The following TMEM273 variants were observed in gnomAD, a reference collection of about 807,000 sequenced individuals.
TMEM273 encodes the protein transmembrane protein 273, also known as chromosome 10 open reading frame 128.
TMEM273 carries 19 observed loss-of-function variants against 17.9 expected under a neutral mutation model. The ratio of observed to expected loss-of-function variants is 1.06; its 90% confidence interval spans 0.74 to 1.55. TMEM273 has a LOEUF of 1.55. Among genes scored for constraint, TMEM273 ranks in the 40% most tolerant of loss-of-function variants. The pLI is 0.00. For missense variants in TMEM273, 194 were observed against 155.6 expected (o/e 1.25, Z -1.31); for synonymous variants, 66 against 62.0 (o/e 1.07, Z -0.31).
chr10:49,178,323 T>C, intron 1 of TMEM273: 1 of 456,834 alleles, frequency 2.2e-6, no homozygotes. Flanking sequence ...AGGCTGATGT[T>C]CCACTTCGGG....
intron 3 of TMEM273, among the ~76,000 whole-genome samples, chr10:49,166,138 GC>G (rs1564627197): frequency 6.6e-6 from 1 of 152,156 alleles, no homozygotes; most frequent in African/African-American, 2.4e-5. Context: ...AGGCAGTGAG[GC>G]TCTATTCTCC....
chr10:49,169,826 A>G (rs2725192), intron 1 of TMEM273, among the ~76,000 whole-genome samples: 77,260 of 151,994 alleles, frequency 0.51, 21,940 homozygotes, highest in African/African-American at 0.78. Flanking sequence ...CCAGACTGAC[A>G]CTCCCAACTC....
intron 6 of TMEM273, among the ~76,000 whole-genome samples, chr10:49,157,822 T>G (rs987531538): frequency 6.6e-6 from 1 of 152,206 alleles, no homozygotes; most frequent in African/African-American, 2.4e-5. Flanking sequence ...TTAACATTGG[T>G]GTTTTTAGCC....
chr10:49,186,738 C>T (rs1847752181), intron 1 of TMEM273, among the ~76,000 whole-genome samples: 1 of 152,214 alleles, frequency 6.6e-6, no homozygotes, highest in African/African-American at 2.4e-5. Context: ...TGGATACCCA[C>T]TCCTAACCAC....
rs1435291422 is a variant in TMEM273 at position 49,156,093 on chromosome 10, G to A, written c.373-184C>T. The A allele has an allele frequency of 2.6e-6, 4 of 1,543,092 alleles. No individual in the cohort carries two copies. The African/African-American group carries it at 4.1e-5, about 16-fold the overall frequency. ...GAAGGCCAGTGGCTTCTGGGTAAAG[G>A]GGAGAGCTCAACCTGGAAGTTGTTT... On this transcript the variant is annotated intron_variant, in intron 6 of 6. Coordinates refer to ENST00000374153, the MANE Select transcript of TMEM273 (RefSeq NM_001288740.3).
intron 6 of TMEM273, 139 bp from the exon 7 acceptor site, chr10:49,156,048 G>T: frequency 1.9e-6 from 3 of 1,560,358 alleles, no homozygotes; most frequent in Non-Finnish European, 2.6e-6. Flanking sequence ...CCACTTCCTT[G>T]TGCAACATAG....
At chr10:49,178,206 G>A (rs780638924) in intron 1 of TMEM273, 10 of 457,128 alleles carry the variant, frequency 2.2e-5, no homozygotes, top group African/African-American at 2.0e-4. Flanking sequence ...CTCCCCTCTT[G>A]CACAACCCCT....
At chr10:49,170,039 A>G (rs944481155) in intron 1 of TMEM273, among the ~76,000 whole-genome samples, 2 of 148,144 alleles carry the variant, frequency 1.4e-5, no homozygotes, top group East Asian at 2.0e-4. Context: ...CCCCCCTCCC[A>G]TCCTCCCTTG....
intron 4 of TMEM273, 32 bp from the exon 5 acceptor site, chr10:49,165,315 G>A: frequency 6.4e-7 from 1 of 1,550,520 alleles, no homozygotes; most frequent in African/African-American, 1.4e-5. Flanking sequence ...ACAGAAAACA[G>A]CAAGTGCAAA....
chr10:49,172,839 G>A (rs1846668206), intron 1 of TMEM273, among the ~76,000 whole-genome samples: 1 of 152,236 alleles, frequency 6.6e-6, no homozygotes, highest in South Asian at 2.1e-4. Flanking sequence ...TTCTAGGGGT[G>A]ATGGGCAAAG....
chr10:49,157,660 C>T (rs1184357539), intron 6 of TMEM273, among the ~76,000 whole-genome samples: 1 of 152,172 alleles, frequency 6.6e-6, no homozygotes, highest in African/African-American at 2.4e-5. Flanking sequence ...TTTTAAAACT[C>T]AGTAAAATAG....
chr10:49,169,128 C>G lies in TMEM273; in HGVS notation c.44-1166G>C, dbSNP rs368665863. On this transcript the variant is annotated intron_variant, in intron 1 of 6. Transcript: ENST00000374153. ...ATCCAGTGAACTAACAGATACAACA[C>G]CACCAAAACCATCAAGCCCTAGGGC... 3.3e-5 allele frequency among the ~76,000 whole-genome samples: 5 copies of G among 152,302 alleles called. 1 individual carries two copies. The highest frequency in any genetic ancestry group is 1.2e-4 in the African/African-American group (5 of 41,568).
rs370170226 is a variant in TMEM273, at chr10:49,168,194, G to A, written c.44-232C>T. Among the ~76,000 whole-genome samples, 33 of 152,278 alleles carry A rather than the reference G, an allele frequency of 2.2e-4. No homozygotes were observed. In the South Asian group the frequency reaches 6.8e-3, roughly 32 times the overall value. The stretch of plus-strand genomic sequence containing the variant: ...GCACTTCAGTCAGCCGTTCAGCACA[G>A]TTTCCAAGACCTGAACTCTGACCCA... On this transcript the variant is annotated intron_variant, in intron 1 of 6. Coordinates refer to ENST00000374153, the MANE Select transcript of TMEM273 (RefSeq NM_001288740.3).
chr10:49,182,409 A>AG (rs1247635285), intron 1 of TMEM273, among the ~76,000 whole-genome samples: 1 of 152,130 alleles, frequency 6.6e-6, no homozygotes, highest in Non-Finnish European at 1.5e-5. Flanking sequence ...AAATTAAGGG[A>AG]GAAAAAAAAA....
chr10:49,186,231 G>A (rs183093284), intron 1 of TMEM273, among the ~76,000 whole-genome samples: 2 of 152,218 alleles, frequency 1.3e-5, no homozygotes, highest in East Asian at 3.9e-4. Flanking sequence ...TCATAGAAAG[G>A]CATGTCTTTC....
At chr10:49,158,422 G>T (rs984692884) in intron 6 of TMEM273, among the ~76,000 whole-genome samples, 1 of 151,792 alleles carries the variant, frequency 6.6e-6, no homozygotes, top group Non-Finnish European at 1.5e-5. Context: ...CCCAGCTCCC[G>T]CACCATGAAA....
At chr10:49,168,440 T>G (rs1208095941) in intron 1 of TMEM273, among the ~76,000 whole-genome samples, 1 of 152,148 alleles carries the variant, frequency 6.6e-6, no homozygotes, top group Non-Finnish European at 1.5e-5. Context: ...CCCAGTGTGC[T>G]CCGTAGCCGT....
At chr10:49,161,744 T>A in intron 5 of TMEM273, 122 bp from the exon 6 acceptor site, 2 of 1,215,312 alleles carry the variant, frequency 1.6e-6, no homozygotes, top group Non-Finnish European at 2.4e-6. Flanking sequence ...TCTGACTTCC[T>A]CATGACTCAG....
intron 1 of TMEM273, among the ~76,000 whole-genome samples, chr10:49,177,822 A>G (rs1320013685): frequency 6.7e-6 from 1 of 149,140 alleles, no homozygotes; most frequent in African/African-American, 2.4e-5. Flanking sequence ...TGCCTGTCCA[A>G]CACTGTCTGC....
Sources: gnomAD v4.1 joint callset for allele counts (sites outside exome capture counted in the v4.1 genomes callset) on GRCh38, gnomAD v4.1.1 for gene constraint, MANE v1.5 for transcripts, NCBI Gene and HGNC (gene_info 2026-07-23, HGNC 2026-07-21) for gene names.